Variants in ACACA observed in about 807,000 individuals in gnomAD.
ACACA encodes acetyl-CoA carboxylase 1.
Under a neutral mutation model 296.1 loss-of-function variants are expected in ACACA, and 103 were observed. The observed-to-expected ratio is 0.35, with a 90% confidence interval of 0.30 to 0.41. The LOEUF (loss-of-function observed/expected upper bound fraction) is 0.41. Ranked by LOEUF, ACACA falls within the 10% of genes least tolerant of loss-of-function variation. The pLI, the probability that ACACA is intolerant of heterozygous loss-of-function variation, is 1.00. For missense variants in ACACA, 1,554 were observed against 2,989.7 expected, an observed-to-expected ratio of 0.52 and a Z score of 11.20; for synonymous variants, 953 against 1,038.6, an observed-to-expected ratio of 0.92 and a Z score of 1.58.
intron 52 of ACACA, among the ~76,000 whole-genome samples, chr17:37,105,640 G>A (rs547573713): frequency 4.6e-5 from 7 of 152,052 alleles, no homozygotes; most frequent in South Asian, 2.1e-4. Context: ...CGAGGCGGGC[G>A]GATCACCTGA....
intron 50 of ACACA, among the ~76,000 whole-genome samples, chr17:37,115,983 T>G (rs2074229839): frequency 6.8e-6 from 1 of 147,978 alleles, no homozygotes; most frequent in Non-Finnish European, 1.5e-5. Context: ...ACTTCATTCT[T>G]TTTTTTTTTT....
chr17:37,106,614 G>A (rs772739620), intron 52 of ACACA, among the ~76,000 whole-genome samples: 15 of 152,154 alleles, frequency 9.9e-5, no homozygotes, highest in Non-Finnish European at 1.2e-4. Flanking sequence ...GTGTTTCCAC[G>A]CAGACATATC....
At chr17:37,236,635 G>C (rs907619694) in intron 24 of ACACA, among the ~76,000 whole-genome samples, 2 of 152,126 alleles carry the variant, frequency 1.3e-5, no homozygotes, top group African/African-American at 2.4e-5. Flanking sequence ...GACCAGGCTG[G>C]CCAACAGGGT....
chr17:37,277,162 C>G (rs758280461), intron 6 of ACACA, 48 bp from the exon 7 acceptor site: 34 of 1,527,594 alleles, frequency 2.2e-5, no homozygotes, highest in Non-Finnish European at 1.8e-6. Flanking sequence ...ATACAAAACC[C>G]CCACAAACTG....
chr17:37,405,582 C>T (rs1178143085), intron 1 of ACACA, among the ~76,000 whole-genome samples: 1 of 152,008 alleles, frequency 6.6e-6, no homozygotes, highest in Non-Finnish European at 1.5e-5. Flanking sequence ...GACAGAGTTT[C>T]GCTCTCGTTG....
Position 37,330,084 on chromosome 17 carries a change from T to C in ACACA, c.338+89A>G, listed in dbSNP as rs532910684. The stretch of plus-strand genomic sequence containing the variant: ...GACATAGGAAAAGGCAAAGCAGTCT[T>C]AGCTGAAATCATCCTTGCTCTTTTC... On this transcript the variant is annotated intron_variant, in intron 3 of 55. Coordinates refer to ENST00000616317, the MANE Select transcript of ACACA (RefSeq NM_198834.3). The C allele has an allele frequency of 3.5e-5, 53 of 1,530,830 alleles. 1 individual carries two copies. The South Asian group carries it at 4.8e-4, about 14-fold the overall frequency. 94.8% of individuals were successfully genotyped at this position (1,530,830 alleles called of 1,614,324 possible). A position where few individuals can be genotyped will look rare whatever the true frequency, so the allele number is the denominator to read the frequency against.
At chr17:37,271,800 G>A (rs746420783) in intron 9 of ACACA, among the ~76,000 whole-genome samples, 5 of 150,518 alleles carry the variant, frequency 3.3e-5, no homozygotes, top group Non-Finnish European at 5.9e-5. Flanking sequence ...TGAAACCCCT[G>A]GCCCTATTAA....
chr17:37,194,463 A>C (rs1005019606), intron 35 of ACACA, among the ~76,000 whole-genome samples: 2 of 152,182 alleles, frequency 1.3e-5, no homozygotes, highest in African/African-American at 2.4e-5. Context: ...GTATATGCTC[A>C]GAATCACAGA....
chr17:37,199,875 A>T (rs964254295), intron 35 of ACACA, among the ~76,000 whole-genome samples: 17 of 151,996 alleles, frequency 1.1e-4, no homozygotes, highest in South Asian at 6.2e-4. Context: ...TATAAGAATT[A>T]AAAAAAATTT....
At position 37,207,745 on chromosome 17, in the gene ACACA, T is replaced by C; in HGVS notation, c.3763A>G (p.Ser1255Gly). Residue 1255 changes from serine to glycine, a missense_variant, in exon 31 of 56, where the codon AGC becomes GGC. By Grantham distance (56) the Ser-to-Gly change is moderately conservative. Transcript: ENST00000616317. ...AATGAGTTGTCCAACAGTACATCGC[T>C]GACACTAGCTACATGGGTCATGCCA... ...HYGMTHVASV[S>G]DVLLDNSFTP... 1 of 1,614,000 alleles carries C rather than the reference T, an allele frequency of 6.2e-7. No individual in the cohort carries two copies. The highest frequency in any genetic ancestry group is 8.5e-7 in the Non-Finnish European group (1 of 1,179,888).
intron 39 of ACACA, among the ~76,000 whole-genome samples, chr17:37,186,327 C>G (rs900479029): frequency 7.9e-5 from 12 of 152,134 alleles, no homozygotes; most frequent in African/African-American, 2.9e-4. Context: ...ATATTTGCCA[C>G]AGAGAAACAA....
intron 42 of ACACA, among the ~76,000 whole-genome samples, chr17:37,160,463 A>G (rs1018815885): frequency 6.6e-6 from 1 of 152,190 alleles, no homozygotes; most frequent in African/African-American, 2.4e-5. Flanking sequence ...GTCTGATGAT[A>G]TCAGCTAAGA....
At position 37,174,001 on chromosome 17, in the gene ACACA, TATA is replaced by T. The variant is rs2076994883; in HGVS notation, c.5079+5256_5079+5258del. 1.2e-3 allele frequency among the ~76,000 whole-genome samples: 15 copies of T among 12,016 alleles called. 1 individual carries two copies. Among genetic ancestry groups the T allele is most frequent in the African/African-American group, 6.3e-3 (14 of 2,232 alleles). 7.9% of individuals were successfully genotyped at this position (12,016 alleles called of 152,430 possible). A position where few individuals can be genotyped will look rare whatever the true frequency, so the allele number is the denominator to read the frequency against. ...GCTAATTTATATATATATATATATATATATATATATATATATATATTTTTTTTT... is the reference window on the plus strand; with the variant it reads ...GCTAATTTATATATATATATATATATTATATATATATATATATTTTTTTTT... On this transcript the variant is annotated intron_variant, in intron 41 of 55. Coordinates refer to ENST00000616317, the MANE Select transcript of ACACA (RefSeq NM_198834.3).
intron 25 of ACACA, among the ~76,000 whole-genome samples, chr17:37,230,720 G>T (rs2079818439): frequency 6.6e-6 from 1 of 152,190 alleles, no homozygotes; most frequent in African/African-American, 2.4e-5. Flanking sequence ...CCTAGAGACA[G>T]GCTTCTTTTG....
intron 54 of ACACA, 132 bp from the exon 55 acceptor site, chr17:37,089,206 A>T: frequency 7.4e-7 from 1 of 1,347,812 alleles, no homozygotes; most frequent in Non-Finnish European, 1.1e-6. Context: ...CACTGTCAGC[A>T]TCGTGCAGGA....
chr17:37,347,505 A>G (rs987454278), intron 1 of ACACA, among the ~76,000 whole-genome samples: 2 of 152,130 alleles, frequency 1.3e-5, no homozygotes, highest in African/African-American at 4.8e-5. Flanking sequence ...TATGTTGCCC[A>G]GGCTGATCTC....
At chr17:37,219,145 G>A (rs541920599) in intron 29 of ACACA, among the ~76,000 whole-genome samples, 5 of 152,250 alleles carry the variant, frequency 3.3e-5, no homozygotes, top group African/African-American at 4.8e-5. Flanking sequence ...GTTTAATCAC[G>A]TAGGCTATGA....
intron 45 of ACACA, among the ~76,000 whole-genome samples, chr17:37,130,516 A>G (rs2075038551): frequency 6.6e-6 from 1 of 152,246 alleles, no homozygotes. Flanking sequence ...GCACATGTAT[A>G]CATATGTAAC....
intron 12 of ACACA, 30 bp from the exon 13 acceptor site, chr17:37,258,403 T>C: frequency 6.2e-7 from 1 of 1,610,280 alleles, no homozygotes; most frequent in Non-Finnish European, 8.5e-7. Flanking sequence ...ACATCTTTAA[T>C]TTTTCAGTTA....
Sources: allele counts gnomAD v4.1 joint callset (sites outside exome capture counted in the v4.1 genomes callset), GRCh38; gene constraint gnomAD v4.1.1; transcripts MANE v1.5; gene names NCBI Gene and HGNC (gene_info 2026-07-23, HGNC 2026-07-21).